TAFA5: variants seen among roughly 807,000 people sequenced by gnomAD.
TAFA5 encodes TAFA chemokine like family member 5, also known as chemokine-like protein TAFA-5.
In TAFA5, 6 loss-of-function variants were observed where a neutral mutation model predicts 15.3. The observed-to-expected ratio is 0.39, with a 90% confidence interval of 0.21 to 0.77. The LOEUF is 0.77. Among genes scored for constraint, TAFA5 ranks in the 30% least tolerant of loss-of-function variants. The probability of loss-of-function intolerance (pLI) is 0.41; values close to 1 mark genes in which losing one functional copy is unlikely to be tolerated. For missense variants in TAFA5, 161 were observed against 193.1 expected (o/e 0.83, Z 0.98); for synonymous variants, 103 against 80.7 (o/e 1.28, Z -1.48).
At chr22:48,719,466 G>A (rs1198134078) in intron 3 of TAFA5, among the ~76,000 whole-genome samples, 2 of 152,196 alleles carry the variant, frequency 1.3e-5, no homozygotes, top group Admixed American at 6.5e-5. Flanking sequence ...CCAGGGGAGA[G>A]GAAAACTGCC....
At chr22:48,692,027 C>T (rs1928558998) in intron 2 of TAFA5, among the ~76,000 whole-genome samples, 1 of 152,186 alleles carries the variant, frequency 6.6e-6, no homozygotes, top group Middle Eastern at 3.4e-3. Flanking sequence ...TGGGTGCCTC[C>T]TTCCTGTCCC....
rs555056283 is a variant in TAFA5, at chr22:48,658,275, C to T, written c.262+11529C>T. The stretch of plus-strand genomic sequence containing the variant: ...GAGCAGCGAGGTCTTACGACTGCTG[C>T]GTTCCTATTATGGCCCATCTGGGGA... On this transcript the variant is annotated intron_variant, in intron 2 of 3. Coordinates refer to ENST00000402357, the MANE Select transcript of TAFA5 (RefSeq NM_001082967.3). Among the ~76,000 whole-genome samples the T allele has an allele frequency of 1.5e-3, 224 of 152,308 alleles. 2 individuals carry two copies. The highest frequency in any genetic ancestry group is 5.3e-3 in the African/African-American group (221 of 41,566).
At chr22:48,584,387 A>G (rs184361909) in intron 1 of TAFA5, among the ~76,000 whole-genome samples, 2,187 of 150,156 alleles carry the variant, frequency 0.015, 55 homozygotes, top group African/African-American at 0.05. Flanking sequence ...CCACACGCAC[A>G]GTACACACCA....
chr22:48,702,489 G>T (rs1315516601), intron 2 of TAFA5, among the ~76,000 whole-genome samples: 1 of 152,144 alleles, frequency 6.6e-6, no homozygotes, highest in Non-Finnish European at 1.5e-5. Flanking sequence ...CTAAGCACCT[G>T]CTCCTACCGG....
chr22:48,584,756 C>G lies in TAFA5; in HGVS notation c.113-61841C>G, dbSNP rs180844625. 8.5e-3 allele frequency among the ~76,000 whole-genome samples: 1,287 copies of G among 150,698 alleles called. 25 individuals are homozygous for G. The highest frequency in any genetic ancestry group is 0.03 in the African/African-American group (1,245 of 40,948). On this transcript the variant is annotated intron_variant, in intron 1 of 3. Transcript: ENST00000402357. The stretch of plus-strand genomic sequence containing the variant: ...CATATACACGCACCCTCCACACACA[C>G]ACAACACACCACACACATCACACAC...
At chr22:48,506,343 C>T (rs1190173485) in intron 1 of TAFA5, among the ~76,000 whole-genome samples, 1 of 152,250 alleles carries the variant, frequency 6.6e-6, no homozygotes, top group African/African-American at 2.4e-5. Context: ...CAGCCTTGTG[C>T]TCCATGGGGG....
intron 1 of TAFA5, among the ~76,000 whole-genome samples, chr22:48,562,427 C>T (rs36038726): frequency 0.13 from 20,133 of 152,238 alleles, 1,441 homozygotes; most frequent in African/African-American, 0.18. Flanking sequence ...CGTGAGCCAC[C>T]GCGCCCGGCC....
At chr22:48,512,943 A>AAGAG (rs72317049) in intron 1 of TAFA5, among the ~76,000 whole-genome samples, 12 of 116,134 alleles carry the variant, frequency 1.0e-4, no homozygotes, top group Admixed American at 2.6e-4. Context: ...AAAAAAAAAA[A>AAGAG]AGAGAGAGAG....
intron 3 of TAFA5, among the ~76,000 whole-genome samples, chr22:48,721,468 ATGAACTGAT>A: frequency 6.6e-6 from 1 of 152,304 alleles, no homozygotes; most frequent in East Asian, 1.9e-4. Context: ...TCCAAGTCTC[ATGAACTGAT>A]TGGCAGAAGG....
chr22:48,624,002 G>A (rs1232857975), intron 1 of TAFA5, among the ~76,000 whole-genome samples: 3 of 152,084 alleles, frequency 2.0e-5, no homozygotes, highest in African/African-American at 7.2e-5. Context: ...CCTTAGTTTT[G>A]TCCTTTTTCT....
At chr22:48,667,150 C>T (rs978316000) in intron 2 of TAFA5, among the ~76,000 whole-genome samples, 1 of 152,110 alleles carries the variant, frequency 6.6e-6, no homozygotes, top group Non-Finnish European at 1.5e-5. Flanking sequence ...TGGAGCTTTT[C>T]CAGGGGCAGC....
chr22:48,669,374 C>T (rs77766741), intron 2 of TAFA5, among the ~76,000 whole-genome samples: 1 of 152,198 alleles, frequency 6.6e-6, no homozygotes, highest in African/African-American at 2.4e-5. Context: ...AGCCCTTGGC[C>T]CCGGGGTAGC....
intron 1 of TAFA5, among the ~76,000 whole-genome samples, chr22:48,584,620 A>G (rs1014188608): frequency 1.3e-5 from 2 of 149,704 alleles, no homozygotes; most frequent in Non-Finnish European, 3.0e-5. Flanking sequence ...ACGCATGCAC[A>G]CACACCACTC....
chr22:48,559,804 C>T (rs774129810), intron 1 of TAFA5, among the ~76,000 whole-genome samples: 50 of 152,148 alleles, frequency 3.3e-4, no homozygotes, highest in East Asian at 5.8e-4. Context: ...AGAGGCGGAG[C>T]GCGGCGGGGA....
At chr22:48,647,670 G>A (rs930149518) in intron 2 of TAFA5, among the ~76,000 whole-genome samples, 1 of 152,136 alleles carries the variant, frequency 6.6e-6, no homozygotes, top group Non-Finnish European at 1.5e-5. Context: ...GACCAGAGTG[G>A]GTAGGGAGAC....
intron 1 of TAFA5, among the ~76,000 whole-genome samples, chr22:48,600,402 G>T (rs893869106): frequency 6.6e-6 from 1 of 152,200 alleles, no homozygotes; most frequent in Non-Finnish European, 1.5e-5. Context: ...CCTCGCACCA[G>T]CTCTGGGACA....
intron 1 of TAFA5, chr22:48,547,453 T>C (rs2147124433): frequency 6.6e-6 from 1 of 152,324 alleles, no homozygotes; most frequent in East Asian, 1.9e-4. Flanking sequence ...GTTTGTGATG[T>C]CACATCAGCC....
In TAFA5 at chr22:48,735,811, C is replaced by T. The variant is rs967535406; in HGVS notation, c.391-14028C>T. Among the ~76,000 whole-genome samples, 594 of 149,508 alleles carry T rather than the reference C, an allele frequency of 4.0e-3. 2 individuals carry two copies. The highest frequency in any genetic ancestry group is 0.014 in the African/African-American group (565 of 39,766). Reference sequence around the variant, plus strand: ...CCGCAGGAGGAATGAGAATCACACTCCTAGAGTCCAGAGTCCATCCCCCCA... The same window carrying T: ...CCGCAGGAGGAATGAGAATCACACTTCTAGAGTCCAGAGTCCATCCCCCCA... On this transcript the variant is annotated intron_variant, in intron 3 of 3. Coordinates refer to ENST00000402357, the MANE Select transcript of TAFA5 (RefSeq NM_001082967.3).
intron 2 of TAFA5, among the ~76,000 whole-genome samples, chr22:48,683,808 C>T (rs536494504): frequency 1.2e-4 from 18 of 152,276 alleles, no homozygotes; most frequent in South Asian, 2.1e-4. Context: ...ATCATGGGCG[C>T]GGTTTTCCCC....
Sources: allele counts gnomAD v4.1 joint callset (sites outside exome capture counted in the v4.1 genomes callset), GRCh38; gene constraint gnomAD v4.1.1; transcripts MANE v1.5; gene names NCBI Gene and HGNC (gene_info 2026-07-23, HGNC 2026-07-21).